The following SDCCAG8 variants were observed in gnomAD, a reference collection of about 807,000 sequenced individuals.
SDCCAG8 encodes the protein SHH signaling and ciliogenesis regulator SDCCAG8, also known as serologically defined colon cancer antigen 8.
Under a neutral mutation model 101.8 loss-of-function variants are expected in SDCCAG8, and 74 were observed. That is an observed-to-expected ratio of 0.73 (90% CI 0.60 to 0.88). SDCCAG8 has a LOEUF of 0.88. Among genes scored for constraint, SDCCAG8 ranks in the 40% least tolerant of loss-of-function variants. The pLI, the probability that SDCCAG8 is intolerant of heterozygous loss-of-function variation, is 0.00. For synonymous variants in SDCCAG8, 281 were observed against 292.9 expected, an observed-to-expected ratio of 0.96 and a Z score of 0.41; for missense variants, 787 against 822.6, an observed-to-expected ratio of 0.96 and a Z score of 0.53.
rs143840808 is a variant in SDCCAG8 at position 243,277,346 on chromosome 1, G to A, written c.420+2690G>A. On this transcript the variant is annotated intron_variant, in intron 4 of 17. Transcript: ENST00000366541. ...TTAGATTTTAGCTGTTCTAATAGATGTGTAGTGGAACCTCATTGCTGTTTT... is the reference window on the plus strand; with the variant it reads ...TTAGATTTTAGCTGTTCTAATAGATATGTAGTGGAACCTCATTGCTGTTTT... Among the ~76,000 whole-genome samples, 23 of 152,332 alleles carry A rather than the reference G, an allele frequency of 1.5e-4. No individual in the cohort carries two copies. The East Asian group carries it at 2.3e-3, about 15-fold the overall frequency.
At chr1:243,367,368 C>T (rs1315762282) in intron 12 of SDCCAG8, among the ~76,000 whole-genome samples, 3 of 151,836 alleles carry the variant, frequency 2.0e-5, no homozygotes, top group African/African-American at 7.3e-5. Context: ...TTGAATACAG[C>T]TAGTGTAGCA....
chr1:243,412,485 C>G (rs896937387), intron 13 of SDCCAG8, among the ~76,000 whole-genome samples: 6 of 152,220 alleles, frequency 3.9e-5, no homozygotes, highest in Non-Finnish European at 7.3e-5. Flanking sequence ...GCAGAGTAAG[C>G]TGTCCAACTG....
At chr1:243,368,189 C>G (rs1212742365) in intron 12 of SDCCAG8, among the ~76,000 whole-genome samples, 1 of 144,394 alleles carries the variant, frequency 6.9e-6, no homozygotes, top group Admixed American at 7.2e-5. Context: ...CTGGGTGACA[C>G]TAAGACAATG....
chr1:243,396,413 C>T (rs2079038239), intron 13 of SDCCAG8, among the ~76,000 whole-genome samples: 1 of 152,050 alleles, frequency 6.6e-6, no homozygotes, highest in Non-Finnish European at 1.5e-5. Context: ...TTATAATATA[C>T]ATGCATTGAT....
intron 1 of SDCCAG8, among the ~76,000 whole-genome samples, chr1:243,265,216 G>A (rs1404171497): frequency 6.6e-6 from 1 of 152,208 alleles, no homozygotes; most frequent in Non-Finnish European, 1.5e-5. Context: ...CACTTAGCAT[G>A]TTTTGAAATG....
At position 243,325,722 on chromosome 1, in the gene SDCCAG8, A is replaced by C. The variant is rs573250945; in HGVS notation, c.1069-4818A>C. 2.0e-4 allele frequency among the ~76,000 whole-genome samples: 30 copies of C among 152,344 alleles called. 1 individual carries two copies. The highest frequency in any genetic ancestry group is 1.4e-3 in the Admixed American group (22 of 15,296). ...ATTTGGGCAAGTTACTGAATGTCTC[A>C]AAGTACCAGTTTCTTCAATTGAGTG... On this transcript the variant is annotated intron_variant, in intron 9 of 17. Transcript: ENST00000366541.
intron 7 of SDCCAG8, chr1:243,307,460 C>T (rs2072266124): frequency 1.0e-6 from 1 of 983,294 alleles, no homozygotes; most frequent in South Asian, 4.7e-5. Context: ...TAATGTTTTC[C>T]TCCTGAAGAA....
At position 243,302,247 on chromosome 1, in the gene SDCCAG8, C is replaced by T. The variant is rs2071586503; in HGVS notation, c.676-2466C>T. Among the ~76,000 whole-genome samples, 6 of 151,654 alleles carry T rather than the reference C, an allele frequency of 4.0e-5. No individual in the cohort carries two copies. The South Asian group carries it at 1.3e-3, about 32-fold the overall frequency. On this transcript the variant is annotated intron_variant, in intron 6 of 17. Coordinates refer to ENST00000366541, the MANE Select transcript of SDCCAG8 (RefSeq NM_006642.5). ...TGGGTGACAGAGTGAGAATCTGTCT[C>T]AAAACAAAACAAAACAAAAAAAAGG...
chr1:243,397,757 A>G (rs1452924223), intron 13 of SDCCAG8, among the ~76,000 whole-genome samples: 3 of 152,256 alleles, frequency 2.0e-5, no homozygotes, highest in Non-Finnish European at 4.4e-5. Flanking sequence ...ATTTTCATTG[A>G]CTTTCAGTGA....
At chr1:243,456,684 T>G (rs949465268) in intron 16 of SDCCAG8, among the ~76,000 whole-genome samples, 1 of 152,118 alleles carries the variant, frequency 6.6e-6, no homozygotes, top group Non-Finnish European at 1.5e-5. Context: ...GCAATTGGCT[T>G]GGTTTTGGTA....
intron 16 of SDCCAG8, among the ~76,000 whole-genome samples, chr1:243,452,999 T>G (rs2083478316): frequency 6.6e-6 from 1 of 152,352 alleles, no homozygotes; most frequent in South Asian, 2.1e-4. Context: ...CATCACTGAT[T>G]TCCTGCTGCC....
chr1:243,487,235 C>A (rs1211362805), intron 16 of SDCCAG8, among the ~76,000 whole-genome samples: 1 of 152,184 alleles, frequency 6.6e-6, no homozygotes, highest in African/African-American at 2.4e-5. Flanking sequence ...GTCCTCCTCT[C>A]TCCCGGCCGC....
In SDCCAG8 at chr1:243,262,568, C is replaced by T. The variant is rs534227980; in HGVS notation, c.67+6328C>T. Among the ~76,000 whole-genome samples, 3 of 152,346 alleles carry T rather than the reference C, an allele frequency of 2.0e-5. No individual in the cohort carries two copies. In the South Asian group the frequency reaches 6.2e-4, roughly 32 times the overall value. On this transcript the variant is annotated intron_variant, in intron 1 of 17. Coordinates refer to ENST00000366541, the MANE Select transcript of SDCCAG8 (RefSeq NM_006642.5). ...AATGAGTGTTCTACAAGTAAATAGT[C>T]ATCCCTGGAATAATCTAAATCAAAG...
chr1:243,293,019 A>G, intron 5 of SDCCAG8, 72 bp from the exon 6 acceptor site: 1 of 1,554,090 alleles, frequency 6.4e-7, no homozygotes, highest in Non-Finnish European at 8.9e-7. Flanking sequence ...AAGAATAGGT[A>G]TTTTATTTGT....
intron 13 of SDCCAG8, among the ~76,000 whole-genome samples, chr1:243,407,390 G>A (rs2079860979): frequency 6.6e-6 from 1 of 152,180 alleles, no homozygotes; most frequent in Non-Finnish European, 1.5e-5. Context: ...GCCCCACAGA[G>A]ATGTTATGAA....
At chr1:243,324,317 G>C (rs959842495) in intron 9 of SDCCAG8, among the ~76,000 whole-genome samples, 7 of 152,074 alleles carry the variant, frequency 4.6e-5, no homozygotes, top group African/African-American at 1.7e-4. Context: ...AAACATCTCG[G>C]TTCTTCCCTA....
chr1:243,356,561 C>T (rs2076396806), intron 12 of SDCCAG8, among the ~76,000 whole-genome samples: 1 of 151,760 alleles, frequency 6.6e-6, no homozygotes, highest in Non-Finnish European at 1.5e-5. Flanking sequence ...TCAGAAGAGG[C>T]AAACATGACC....
chr1:243,260,423 T>G (rs1359214471), intron 1 of SDCCAG8, among the ~76,000 whole-genome samples: 1 of 152,192 alleles, frequency 6.6e-6, no homozygotes. Context: ...GCGCCTTCTC[T>G]AAATTCAATA....
intron 10 of SDCCAG8, among the ~76,000 whole-genome samples, chr1:243,334,103 C>A (rs1358799752): frequency 1.3e-5 from 2 of 152,140 alleles, no homozygotes; most frequent in Non-Finnish European, 2.9e-5. Context: ...TCACCCCACA[C>A]ATCTCATCAT....
Sources: allele counts gnomAD v4.1 joint callset (sites outside exome capture counted in the v4.1 genomes callset), GRCh38; gene constraint gnomAD v4.1.1; transcripts MANE v1.5; gene names NCBI Gene and HGNC (gene_info 2026-07-23, HGNC 2026-07-21).